CAB39L: variants seen among roughly 807,000 people sequenced by gnomAD.
CAB39L encodes the protein calcium-binding protein 39-like.
In CAB39L, 23 loss-of-function variants were observed where a neutral mutation model predicts 39.1. The observed-to-expected ratio is 0.59, with a 90% confidence interval of 0.42 to 0.83. CAB39L has a LOEUF of 0.83. Ranked by LOEUF, CAB39L falls within the 40% of genes least tolerant of loss-of-function variation. The probability of loss-of-function intolerance (pLI) is 0.00; values close to 1 mark genes in which losing one functional copy is unlikely to be tolerated. For synonymous variants in CAB39L, 126 were observed against 137.2 expected (o/e 0.92, Z 0.57); for missense variants, 366 against 391.9 (o/e 0.93, Z 0.56).
chr13:49,386,465 T>A (rs1042340125), intron 3 of CAB39L, among the ~76,000 whole-genome samples: 2 of 152,080 alleles, frequency 1.3e-5, no homozygotes, highest in Non-Finnish European at 1.5e-5. Flanking sequence ...TATTATTAAG[T>A]GGAAAAAGCA....
At chr13:49,412,845 C>G (rs1331765670) in intron 3 of CAB39L, 1 of 152,220 alleles carries the variant, frequency 6.6e-6, no homozygotes, top group East Asian at 1.9e-4. Context: ...CTATGAGACT[C>G]TAATTCTGCC....
At chr13:49,347,869 T>TTTCC (rs1353646776) in intron 7 of CAB39L, among the ~76,000 whole-genome samples, 1 of 151,926 alleles carries the variant, frequency 6.6e-6, no homozygotes. Context: ...TCCTCCTTCT[T>TTTCC]TTCCTTCCTT....
intron 8 of CAB39L, among the ~76,000 whole-genome samples, chr13:49,340,109 T>C (rs1271601175): frequency 6.6e-6 from 1 of 152,178 alleles, no homozygotes; most frequent in African/African-American, 2.4e-5. Flanking sequence ...TAAATACACT[T>C]AAGGCTTCAC....
At chr13:49,401,319 C>G (rs181016146) in intron 3 of CAB39L, 1 of 152,188 alleles carries the variant, frequency 6.6e-6, no homozygotes, top group East Asian at 1.9e-4. Context: ...TAGGTCTTGA[C>G]TTTCTGTCCC....
Position 49,310,063 on chromosome 13 carries a change from CT to C in CAB39L, c.*750del, listed in dbSNP as rs1466527466. On this transcript the variant is annotated 3_prime_UTR_variant, in exon 11 of 11. Transcript: ENST00000409308. ...AAGCTAATATGGAGCAGCAGTCACT[CT>C]ATCCAGAGCCACATGTTCACAGTTC... is the stretch of plus-strand genomic sequence containing the variant. 1 of 152,372 alleles carries C rather than the reference CT, an allele frequency of 6.6e-6. No individual in the cohort carries two copies. The highest frequency in any genetic ancestry group is 1.5e-5 in the Non-Finnish European group (1 of 68,160). The allele number at this position is 152,372 out of a possible 1,614,324, so 9.4% of individuals were successfully genotyped here. A position where few individuals can be genotyped will look rare whatever the true frequency, so the allele number is the denominator to read the frequency against.
At position 49,435,147 on chromosome 13, in the gene CAB39L, A is replaced by G. The variant is rs180709578; in HGVS notation, c.-245-924T>C. On this transcript the variant is annotated intron_variant, in intron 1 of 10. Transcript: ENST00000409308. ...GATCATTCTCTATTGGTATATAGAG[A>G]CTTTCTCCCTTCTTTTTTATGACCT... Among the ~76,000 whole-genome samples the G allele has an allele frequency of 1.4e-3, 219 of 152,092 alleles. 1 individual carries two copies. The highest frequency in any genetic ancestry group is 4.7e-3 in the African/African-American group (193 of 41,480).
chr13:49,406,333 A>ATTTTTTTTT (rs34078174), intron 3 of CAB39L, among the ~76,000 whole-genome samples: 158 of 90,528 alleles, frequency 1.7e-3, no homozygotes, highest in East Asian at 4.7e-3. Context: ...ATGCCCAGCT[A>ATTTTTTTTT]TTTTTTTTTT....
rs1455847724 is a variant in CAB39L, at chr13:49,414,645, A to G, written c.-32+18673T>C. Among the ~76,000 whole-genome samples the G allele has an allele frequency of 2.6e-5, 4 of 152,196 alleles. No homozygotes were observed. In the South Asian group the frequency reaches 6.2e-4, roughly 24 times the overall value. On this transcript the variant is annotated intron_variant, in intron 3 of 10. Coordinates refer to ENST00000409308, the MANE Select transcript of CAB39L (RefSeq NM_001079670.3). The stretch of plus-strand genomic sequence containing the variant: ...AGGACTAATACTTCAAATTCATTTT[A>G]AAATCATAAATATTATATATATACA...
At chr13:49,324,689 A>G (rs1012640263) in intron 10 of CAB39L, among the ~76,000 whole-genome samples, 2 of 152,200 alleles carry the variant, frequency 1.3e-5, no homozygotes, top group African/African-American at 4.8e-5. Context: ...TGAAACGGAC[A>G]CCACATCTGC....
At chr13:49,312,075 C>T (rs1425846758) in intron 10 of CAB39L, among the ~76,000 whole-genome samples, 1 of 152,066 alleles carries the variant, frequency 6.6e-6, no homozygotes, top group African/African-American at 2.4e-5. Context: ...AAAAGTTTTT[C>T]GTAGAGGCAG....
At chr13:49,358,520 G>A (rs1488960669) in intron 6 of CAB39L, among the ~76,000 whole-genome samples, 1 of 152,108 alleles carries the variant, frequency 6.6e-6, no homozygotes, top group Non-Finnish European at 1.5e-5. Context: ...AAATAAAAGA[G>A]ATAAAAGTGG....
At chr13:49,442,096 G>A (rs1330566821) in intron 1 of CAB39L, among the ~76,000 whole-genome samples, 1 of 151,852 alleles carries the variant, frequency 6.6e-6, no homozygotes, top group Non-Finnish European at 1.5e-5. Context: ...GTTTTAATTT[G>A]CATTTTTCCA....
intron 8 of CAB39L, among the ~76,000 whole-genome samples, chr13:49,343,718 T>C (rs1370993942): frequency 6.6e-6 from 1 of 152,000 alleles, no homozygotes; most frequent in African/African-American, 2.4e-5. Context: ...GGGAAAGCTT[T>C]CTAAAGAGTC....
In CAB39L at chr13:49,441,114, AGATT is replaced by A. The variant is rs1957509692; in HGVS notation, c.-246+2868_-246+2871del. ...TCTCTTAGCTTACTCTGAAATATTT[AGATT>A]GTCATTTTCATCTGCTTTGTGGCCA... On this transcript the variant is annotated intron_variant, in intron 1 of 10. Coordinates refer to ENST00000409308, the MANE Select transcript of CAB39L (RefSeq NM_001079670.3). 1.3e-5 allele frequency among the ~76,000 whole-genome samples: 2 copies of A among 151,066 alleles called. 1 individual carries two copies. Among genetic ancestry groups the A allele is most frequent in the Admixed American group, 1.3e-4 (2 of 15,104 alleles).
rs1233947034 is a variant in CAB39L, at chr13:49,347,994, C to T, written c.564+2750G>A. On this transcript the variant is annotated intron_variant, in intron 7 of 10. Transcript: ENST00000409308. ...TCTTCCCTTCCCCTTCTTTTCCTTG[C>T]CCTTTTCTGTCTACCCAGACCTCCC... Among the ~76,000 whole-genome samples the T allele has an allele frequency of 2.0e-5, 3 of 152,174 alleles. No homozygotes were observed. In the East Asian group the frequency reaches 5.8e-4, roughly 30 times the overall value.
chr13:49,325,291 T>C (rs955446484), intron 10 of CAB39L, among the ~76,000 whole-genome samples: 1 of 152,246 alleles, frequency 6.6e-6, no homozygotes, highest in South Asian at 2.1e-4. Context: ...TAAAGCTGAA[T>C]GTTCGACACC....
chr13:49,315,201 A>G (rs1242905834), intron 10 of CAB39L, among the ~76,000 whole-genome samples: 1 of 152,222 alleles, frequency 6.6e-6, no homozygotes, highest in Non-Finnish European at 1.5e-5. Context: ...GTGCTAAGGA[A>G]TACAGAACCC....
At chr13:49,429,164 T>C (rs922925379) in intron 3 of CAB39L, among the ~76,000 whole-genome samples, 5 of 152,208 alleles carry the variant, frequency 3.3e-5, no homozygotes, top group Non-Finnish European at 1.5e-5. Flanking sequence ...GGTATGACCA[T>C]AGCTCACTGC....
In CAB39L at chr13:49,433,378, C is replaced by A. The variant is rs1957356636; in HGVS notation, c.-92G>T. The A allele has an allele frequency of 2.2e-6, 1 of 455,248 alleles. No homozygotes were observed. The highest frequency in any genetic ancestry group is 4.4e-6 in the Non-Finnish European group (1 of 226,590). 28.2% of individuals were successfully genotyped at this position (455,248 alleles called of 1,614,324 possible). On this transcript the variant is annotated 5_prime_UTR_variant, in exon 3 of 11. Transcript: ENST00000409308. ...ACCTTCTTAGCTTTCACCAAAGTCA[C>A]TGATCACCACAGCTTCTGACAAAAA...
Sources: allele counts gnomAD v4.1 joint callset (sites outside exome capture counted in the v4.1 genomes callset), GRCh38; gene constraint gnomAD v4.1.1; transcripts MANE v1.5; gene names NCBI Gene and HGNC (gene_info 2026-07-23, HGNC 2026-07-21).